The following WDPCP variants were observed in gnomAD, a reference collection of about 807,000 sequenced individuals.
The protein encoded by WDPCP is WD repeat containing planar cell polarity effector.
A neutral mutation model predicts 93.1 loss-of-function variants in WDPCP; 71 were observed. The observed-to-expected ratio is 0.76, with a 90% CI of 0.63 to 0.93. The LOEUF (loss-of-function observed/expected upper bound fraction) is 0.93. Ranked by LOEUF, WDPCP falls within the 40% of genes least tolerant of loss-of-function variation. The pLI is 0.00. For synonymous variants in WDPCP, 315 were observed against 315.0 expected (o/e 1.00, Z 0.00); for missense variants, 844 against 887.4 (o/e 0.95, Z 0.62).
chr2:63,692,504 C>T (rs1335150591), intron 2 of WDPCP, among the ~76,000 whole-genome samples: 1 of 152,148 alleles, frequency 6.6e-6, no homozygotes, highest in Admixed American at 6.5e-5. Context: ...ACACAGATAT[C>T]AAGAGCAAAT....
intron 1 of WDPCP, among the ~76,000 whole-genome samples, chr2:63,498,956 G>A (rs528318897): frequency 6.6e-6 from 1 of 152,278 alleles, no homozygotes; most frequent in South Asian, 2.1e-4. Flanking sequence ...CCAAAGAATG[G>A]AGTACTAGAA....
At chr2:63,479,807 G>A (rs1700166400) in intron 6 of WDPCP, among the ~76,000 whole-genome samples, 1 of 151,954 alleles carries the variant, frequency 6.6e-6, no homozygotes, top group Admixed American at 6.6e-5. Context: ...GGAAGTCCCA[G>A]CCAGAGCTGG....
chr2:63,706,338 A>G (rs1669152083), intron 2 of WDPCP, among the ~76,000 whole-genome samples: 2 of 152,136 alleles, frequency 1.3e-5, no homozygotes, highest in Admixed American at 6.6e-5. Flanking sequence ...TCCTGTCATT[A>G]TGATGTTAGC....
intron 2 of WDPCP, among the ~76,000 whole-genome samples, chr2:63,801,755 A>G (rs777141653): frequency 5.9e-5 from 9 of 152,288 alleles, no homozygotes; most frequent in Non-Finnish European, 8.8e-5. Context: ...GCAAGACAGG[A>G]AAGTTCCCCA....
chr2:63,368,070 G>GAGAT (rs1226541214), intron 12 of WDPCP, among the ~76,000 whole-genome samples: 2 of 152,078 alleles, frequency 1.3e-5, no homozygotes, highest in South Asian at 4.1e-4. Flanking sequence ...AAAATGTAAT[G>GAGAT]AGATAGAGAA....
chr2:63,597,527 A>C, intron 3 of WDPCP: 1 of 1,506,970 alleles, frequency 6.6e-7, no homozygotes, highest in Non-Finnish European at 8.9e-7. Context: ...GAAAATCTTC[A>C]AATCCCAGGG....
rs373190954 is a variant in WDPCP at position 63,560,905 on chromosome 2, A to G, written c.75+27292T>C. On this transcript the variant is annotated intron_variant, in intron 1 of 17. Transcript: ENST00000272321. The stretch of plus-strand genomic sequence containing the variant: ...TAAATGACCAGTTGATGGGTGCAGC[A>G]AACCAACATGGCACATGCATACATA... Among the ~76,000 whole-genome samples the G allele has an allele frequency of 9.8e-5, 15 of 152,326 alleles. 1 individual carries two copies. In the South Asian group the frequency reaches 3.1e-3, roughly 32 times the overall value.
chr2:63,723,424 C>G (rs540315730), intron 2 of WDPCP, among the ~76,000 whole-genome samples: 5 of 152,202 alleles, frequency 3.3e-5, no homozygotes, highest in Middle Eastern at 3.4e-3. Context: ...TTTCCCTGGT[C>G]AGATTCTGCT....
intron 2 of WDPCP, among the ~76,000 whole-genome samples, chr2:63,690,623 G>C (rs1668876416): frequency 6.6e-6 from 1 of 151,912 alleles, no homozygotes; most frequent in Non-Finnish European, 1.5e-5. Context: ...GTGTGGTGGG[G>C]GCATGCTTAT....
intron 14 of WDPCP, among the ~76,000 whole-genome samples, chr2:63,252,301 T>A (rs1680795391): frequency 6.6e-6 from 1 of 152,144 alleles, no homozygotes; most frequent in Non-Finnish European, 1.5e-5. Flanking sequence ...GTAAGAGCCA[T>A]CTATGACAAA....
At chr2:63,692,749 T>C (rs6546023) in intron 2 of WDPCP, among the ~76,000 whole-genome samples, 34,850 of 152,086 alleles carry the variant, frequency 0.23, 4,353 homozygotes, top group Non-Finnish European at 0.26. Flanking sequence ...GGAATAAATA[T>C]ATACATAATG....
chr2:63,281,276 A>G (rs1261660040), intron 13 of WDPCP, among the ~76,000 whole-genome samples: 2 of 152,236 alleles, frequency 1.3e-5, no homozygotes, highest in Non-Finnish European at 1.5e-5. Flanking sequence ...CAAAACCACA[A>G]TGTGATACCA....
rs900642032 is a variant in WDPCP at position 63,721,896 on chromosome 2, C to A, written n.309-71058G>T. ...CTGCGATTGCAGGCTCGCGCCGCCA[C>A]GCCTGACTGGTTTTGGTGGAGATGG... On this transcript the variant is annotated intron_variant and non_coding_transcript_variant, in intron 2 of 4. Transcript: ENST00000467687. Among the ~76,000 whole-genome samples, 36 of 152,334 alleles carry A rather than the reference C, an allele frequency of 2.4e-4. No individual in the cohort carries two copies. The South Asian group carries it at 7.2e-3, about 31-fold the overall frequency.
chr2:63,661,875 A>C (rs895992466), intron 2 of WDPCP, among the ~76,000 whole-genome samples: 4 of 152,178 alleles, frequency 2.6e-5, no homozygotes, highest in African/African-American at 9.7e-5. Flanking sequence ...GAAGTCAGTA[A>C]GGGGAGCTTC....
chr2:63,544,758 A>G (rs1046279772), intron 1 of WDPCP, among the ~76,000 whole-genome samples: 2 of 152,160 alleles, frequency 1.3e-5, no homozygotes, highest in Non-Finnish European at 2.9e-5. Context: ...AGTTTCCTCA[A>G]TAGTTATTAG....
At chr2:63,707,643 C>T (rs932933119) in intron 2 of WDPCP, among the ~76,000 whole-genome samples, 3 of 152,226 alleles carry the variant, frequency 2.0e-5, no homozygotes, top group African/African-American at 4.8e-5. Context: ...AGTCATTCTT[C>T]GTCCAGCTTT....
Position 63,380,570 on chromosome 2 carries a change from A to G in WDPCP, c.1624+1336T>C, listed in dbSNP as rs184895001. Reference sequence around the variant, plus strand: ...AGTGAAATCCCTCTACTAAAAATAGAAAAATTAGCTGGGTGTGTGGTGCAC... The same window carrying G: ...AGTGAAATCCCTCTACTAAAAATAGGAAAATTAGCTGGGTGTGTGGTGCAC... On this transcript the variant is annotated intron_variant, in intron 11 of 17. Transcript: ENST00000272321. Among the ~76,000 whole-genome samples the G allele has an allele frequency of 1.7e-3, 263 of 152,184 alleles. 3 individuals are homozygous for G. The highest frequency in any genetic ancestry group is 3.0e-3 in the Non-Finnish European group (206 of 67,990).
At chr2:63,502,120 C>G (rs1159930605) in intron 1 of WDPCP, among the ~76,000 whole-genome samples, 1 of 152,120 alleles carries the variant, frequency 6.6e-6, no homozygotes, top group Non-Finnish European at 1.5e-5. Flanking sequence ...ACGTGCACAC[C>G]CATACTGACT....
At chr2:63,384,840 A>C (rs1001403314) in intron 10 of WDPCP, among the ~76,000 whole-genome samples, 4 of 152,108 alleles carry the variant, frequency 2.6e-5, no homozygotes, top group Admixed American at 2.6e-4. Flanking sequence ...GGTTAGAATT[A>C]CACTGACACC....
Sources: allele counts gnomAD v4.1 joint callset (sites outside exome capture counted in the v4.1 genomes callset), GRCh38; gene constraint gnomAD v4.1.1; transcripts MANE v1.5; gene names NCBI Gene and HGNC (gene_info 2026-07-23, HGNC 2026-07-21).